SNX29: variants seen among roughly 807,000 people sequenced by gnomAD.
SNX29 encodes sorting nexin 29.
A neutral mutation model predicts 102.1 loss-of-function variants in SNX29; 78 were observed. The ratio of observed to expected loss-of-function variants is 0.76; its 90% CI spans 0.64 to 0.92. The LOEUF is 0.92. Among genes scored for constraint, SNX29 ranks in the 40% least tolerant of loss-of-function variants. The pLI is 0.00. For synonymous variants in SNX29, 580 were observed against 414.5 expected (o/e 1.40, Z -4.85); for missense variants, 1,280 against 1,061.7 (o/e 1.21, Z -2.86).
At chr16:12,065,055 G>A (rs2050965691) in intron 9 of SNX29, among the ~76,000 whole-genome samples, 1 of 152,240 alleles carries the variant, frequency 6.6e-6, no homozygotes, top group South Asian at 2.1e-4. Context: ...GCAGCTGAGT[G>A]TTGGGAGGGA....
intron 15 of SNX29, among the ~76,000 whole-genome samples, chr16:12,308,231 C>G (rs980519667): frequency 1.3e-5 from 2 of 152,218 alleles, no homozygotes; most frequent in African/African-American, 4.8e-5. Flanking sequence ...GCCTACTGCT[C>G]ATCTGTCCCC....
At chr16:12,377,633 G>C (rs1430389051) in intron 16 of SNX29, among the ~76,000 whole-genome samples, 1 of 152,180 alleles carries the variant, frequency 6.6e-6, no homozygotes, top group Non-Finnish European at 1.5e-5. Flanking sequence ...CGCCCGGTAC[G>C]TAGTAGGCAA....
At chr16:12,325,257 G>A (rs773912159) in intron 15 of SNX29, among the ~76,000 whole-genome samples, 7 of 152,084 alleles carry the variant, frequency 4.6e-5, no homozygotes, top group Non-Finnish European at 7.4e-5. Flanking sequence ...CAGAAATGTT[G>A]GAATGTCACA....
intron 16 of SNX29, among the ~76,000 whole-genome samples, chr16:12,380,294 C>G (rs1285805222): frequency 1.3e-5 from 2 of 149,030 alleles, no homozygotes; most frequent in Non-Finnish European, 3.0e-5. Flanking sequence ...CATCTACCCC[C>G]CAACACCCAA....
intron 14 of SNX29, among the ~76,000 whole-genome samples, chr16:12,241,465 C>CTT (rs1031320788): frequency 6.8e-6 from 1 of 146,900 alleles, no homozygotes; most frequent in Non-Finnish European, 1.5e-5. Context: ...CCTGGTCTAT[C>CTT]TTTTTTTTTT....
chr16:12,013,542 T>TATATATATATATAGAGAGAGAGAGAG (rs1382498593), intron 3 of SNX29, among the ~76,000 whole-genome samples: 3 of 109,076 alleles, frequency 2.8e-5, no homozygotes, highest in African/African-American at 1.0e-4. Flanking sequence ...TATATATATA[T>TATATATATATATAGAGAGAGAGAGAG]CGAGAGAGGA....
intron 17 of SNX29, among the ~76,000 whole-genome samples, chr16:12,401,522 C>T (rs140403925): frequency 0.031 from 4,704 of 151,804 alleles, 239 homozygotes; most frequent in African/African-American, 0.11. Context: ...TGCCACCATG[C>T]CCAGCTAATT....
rs748626716 is a variant in SNX29 at position 12,057,790 on chromosome 16, C to CATACAT, written c.1125-3728_1125-3723dup. Among the ~76,000 whole-genome samples, 629 of 149,696 alleles carry CATACAT rather than the reference C, an allele frequency of 4.2e-3. 1 individual carries two copies. Among genetic ancestry groups the CATACAT allele is most frequent in the Middle Eastern group, 0.011 (3 of 282 alleles). On this transcript the variant is annotated intron_variant, in intron 8 of 20. Coordinates refer to ENST00000566228, the MANE Select transcript of SNX29 (RefSeq NM_032167.5). ...AGCTGAGCTAATGAGTACATATATA[C>CATACAT]ATACATATACATATATATATATATT... is the stretch of plus-strand genomic sequence containing the variant.
At position 12,570,083 on chromosome 16, in the gene SNX29, C is replaced by G; in HGVS notation, c.*1454C>G. The G allele has an allele frequency of 3.8e-6, 3 of 793,178 alleles. No individual in the cohort carries two copies. Among genetic ancestry groups the G allele is most frequent in the Non-Finnish European group, 4.8e-6 (3 of 631,266 alleles). The allele number at this position is 793,178 out of a possible 1,614,324, so 49.1% of individuals were successfully genotyped here. On this transcript the variant is annotated 3_prime_UTR_variant, in exon 21 of 21. Transcript: ENST00000566228. ...TGGAGAATCATCTGGAAGGTTTATA[C>G]TGTGCCTTCCCCTCGTAGCAAAAAG...
chr16:12,493,467 C>T (rs2088653702), intron 19 of SNX29, among the ~76,000 whole-genome samples: 1 of 152,230 alleles, frequency 6.6e-6, no homozygotes, highest in South Asian at 2.1e-4. Flanking sequence ...GATATACAAT[C>T]ATGTCATCTG....
At chr16:12,082,074 A>G (rs1596810164) in intron 11 of SNX29, among the ~76,000 whole-genome samples, 1 of 152,204 alleles carries the variant, frequency 6.6e-6, no homozygotes, top group African/African-American at 2.4e-5. Context: ...GCTGGGATCT[A>G]ACGCCACATC....
intron 4 of SNX29, chr16:12,027,681 T>G: frequency 2.6e-6 from 1 of 380,824 alleles, no homozygotes; most frequent in South Asian, 2.9e-5. Context: ...TACAGTCTCC[T>G]CTGGGTTCGG....
At chr16:12,103,840 T>G (rs530971942) in intron 11 of SNX29, among the ~76,000 whole-genome samples, 18 of 152,290 alleles carry the variant, frequency 1.2e-4, no homozygotes, top group African/African-American at 4.3e-4. Flanking sequence ...TTAAACAACT[T>G]TGCGAGAGAA....
At chr16:12,117,488 C>G (rs1157603426) in intron 11 of SNX29, among the ~76,000 whole-genome samples, 1 of 152,226 alleles carries the variant, frequency 6.6e-6, no homozygotes, top group Non-Finnish European at 1.5e-5. Context: ...CAGGCTTAGT[C>G]AAAGGAGCCA....
intron 20 of SNX29, among the ~76,000 whole-genome samples, chr16:12,548,913 G>A (rs1014920607): frequency 6.6e-6 from 1 of 152,214 alleles, no homozygotes; most frequent in African/African-American, 2.4e-5. Context: ...CGGGCTGTAG[G>A]TATTCTTCAG....
In SNX29 at chr16:12,570,300, G is replaced by T. The variant is rs763632651; in HGVS notation, c.*1671G>T. ...CTGCAGTCAGTTTGCGAGTGTGGAG[G>T]ACCCGAGACATCCTGTAAAGGCAAC... is the stretch of plus-strand genomic sequence containing the variant. On this transcript the variant is annotated 3_prime_UTR_variant, in exon 21 of 21. Coordinates refer to ENST00000566228, the MANE Select transcript of SNX29 (RefSeq NM_032167.5). 14 of 1,044,034 alleles carry T rather than the reference G, an allele frequency of 1.3e-5. No individual in the cohort carries two copies. The highest frequency in any genetic ancestry group is 1.6e-5 in the Non-Finnish European group (14 of 859,994). The allele number at this position is 1,044,034 out of a possible 1,614,324, so 64.7% of individuals were successfully genotyped here. A position where few individuals can be genotyped will look rare whatever the true frequency, so the allele number is the denominator to read the frequency against.
chr16:12,132,029 C>T (rs350288), intron 13 of SNX29, among the ~76,000 whole-genome samples: 32,480 of 151,972 alleles, frequency 0.21, 4,648 homozygotes, highest in African/African-American at 0.41. Context: ...ATTTAATGTT[C>T]ACAATAAAGT....
chr16:12,260,436 G>C (rs1393073877), intron 14 of SNX29, among the ~76,000 whole-genome samples: 2 of 152,120 alleles, frequency 1.3e-5, no homozygotes, highest in African/African-American at 4.8e-5. Context: ...CTTGGCTTTG[G>C]GCTTCCTTCC....
chr16:12,164,354 T>C (rs1230196239), intron 13 of SNX29, among the ~76,000 whole-genome samples: 1 of 152,184 alleles, frequency 6.6e-6, no homozygotes, highest in African/African-American at 2.4e-5. Context: ...GTTATGCTGG[T>C]TTAAGAAAAC....
Sources: allele counts gnomAD v4.1 joint callset (sites outside exome capture counted in the v4.1 genomes callset), GRCh38; gene constraint gnomAD v4.1.1; transcripts MANE v1.5; gene names NCBI Gene and HGNC (gene_info 2026-07-23, HGNC 2026-07-21).